GPR39: variants seen among roughly 807,000 people sequenced by gnomAD.
GPR39 encodes the protein zinc sensing receptor.
GPR39 carries 23 observed loss-of-function variants against 18.4 expected under a neutral mutation model. The ratio of observed to expected loss-of-function variants is 1.25; its 90% CI spans 0.90 to 1.77. GPR39 has a LOEUF of 1.77. Ranked by LOEUF, GPR39 falls within the 40% of genes most tolerant of loss-of-function variation. The probability of loss-of-function intolerance (pLI) is 0.00; values close to 1 mark genes in which losing one functional copy is unlikely to be tolerated. For synonymous variants in GPR39, 280 were observed against 257.9 expected (o/e 1.09, Z -0.82); for missense variants, 647 against 602.4 (o/e 1.07, Z -0.78).
intron 1 of GPR39, among the ~76,000 whole-genome samples, chr2:132,501,054 G>GTTT (rs55720929): frequency 0.02 from 1,830 of 90,098 alleles, 24 homozygotes; most frequent in African/African-American, 0.051. Flanking sequence ...TATCTTTTGT[G>GTTT]TTTTTTTTTT....
chr2:132,537,631 A>G (rs1679782262), intron 1 of GPR39, among the ~76,000 whole-genome samples: 1 of 151,750 alleles, frequency 6.6e-6, no homozygotes, highest in African/African-American at 2.4e-5. Flanking sequence ...AATATCCTGA[A>G]GTGTGTTTTC....
intron 1 of GPR39, among the ~76,000 whole-genome samples, chr2:132,629,630 GA>G (rs1448272822): frequency 6.6e-6 from 1 of 152,222 alleles, no homozygotes; most frequent in Non-Finnish European, 1.5e-5. Flanking sequence ...TACAGGCAAG[GA>G]AACTCATCTG....
chr2:132,606,751 G>A (rs1681145298), intron 1 of GPR39, among the ~76,000 whole-genome samples: 1 of 152,210 alleles, frequency 6.6e-6, no homozygotes, highest in African/African-American at 2.4e-5. Context: ...GTTTTATTGA[G>A]TGGTTGAAGG....
At chr2:132,467,892 C>T (rs1412972238) in intron 1 of GPR39, among the ~76,000 whole-genome samples, 2 of 152,110 alleles carry the variant, frequency 1.3e-5, no homozygotes, top group African/African-American at 4.8e-5. Context: ...TTTCAGAAGC[C>T]TCAGAGAATT....
intron 1 of GPR39, among the ~76,000 whole-genome samples, chr2:132,422,894 A>C (rs1235154111): frequency 6.6e-6 from 1 of 152,032 alleles, no homozygotes; most frequent in East Asian, 1.9e-4. Flanking sequence ...AAGCCTGTTC[A>C]TCTGTCAGCC....
chr2:132,615,437 CTT>C (rs1681317287), intron 1 of GPR39, among the ~76,000 whole-genome samples: 2 of 152,164 alleles, frequency 1.3e-5, no homozygotes, highest in African/African-American at 4.8e-5. Context: ...CATCTAAAAA[CTT>C]TATTTCACCC....
At chr2:132,579,296 A>G (rs1326316676) in intron 1 of GPR39, among the ~76,000 whole-genome samples, 1 of 151,946 alleles carries the variant, frequency 6.6e-6, no homozygotes, top group African/African-American at 2.4e-5. Context: ...TTTCTAGTTT[A>G]ATTTCATTGT....
chr2:132,555,225 C>T (rs1395982108), intron 1 of GPR39, among the ~76,000 whole-genome samples: 1 of 114,842 alleles, frequency 8.7e-6, no homozygotes, highest in African/African-American at 3.2e-5. Context: ...GCTGGGATTA[C>T]AGGTGTGAGC....
chr2:132,505,839 C>G (rs4577332), intron 1 of GPR39, among the ~76,000 whole-genome samples: 2 of 152,168 alleles, frequency 1.3e-5, no homozygotes, highest in Non-Finnish European at 2.9e-5. Flanking sequence ...TCTTGGCTAT[C>G]GCGAATTGCG....
intron 1 of GPR39, among the ~76,000 whole-genome samples, chr2:132,445,831 C>T (rs1172346186): frequency 1.3e-5 from 2 of 152,134 alleles, no homozygotes; most frequent in African/African-American, 4.8e-5. Flanking sequence ...GCACCAAGTA[C>T]CAGTCAAGGG....
Position 132,646,076 on chromosome 2 carries a change from A to AGGAACAGGAT in GPR39, c.*473_*482dup. On this transcript the variant is annotated 3_prime_UTR_variant, in exon 2 of 2. Transcript: ENST00000329321. ...GTGTGCCGAGAAGAGGGCTAATTTG[A>AGGAACAGGAT]GGAACAGGATGGTGGTGCGGAGCCC... 2 of 1,592,798 alleles carry AGGAACAGGAT rather than the reference A, an allele frequency of 1.3e-6. No homozygotes were observed. Among genetic ancestry groups the AGGAACAGGAT allele is most frequent in the Non-Finnish European group, 1.7e-6 (2 of 1,168,020 alleles).
intron 1 of GPR39, among the ~76,000 whole-genome samples, chr2:132,498,663 G>A (rs558783950): frequency 1.8e-4 from 27 of 152,278 alleles, no homozygotes; most frequent in South Asian, 8.3e-4. Flanking sequence ...GTTTTCCATA[G>A]TGGTTGTGCT....
At chr2:132,516,294 C>T (rs772153818) in intron 1 of GPR39, among the ~76,000 whole-genome samples, 3 of 152,100 alleles carry the variant, frequency 2.0e-5, no homozygotes, top group Non-Finnish European at 2.9e-5. Flanking sequence ...CATCAGACAA[C>T]GGGTCTCTAG....
chr2:132,426,499 C>T (rs1368483025), intron 1 of GPR39, among the ~76,000 whole-genome samples: 2 of 152,344 alleles, frequency 1.3e-5, no homozygotes, highest in South Asian at 2.1e-4. Context: ...CTGCTGCTTT[C>T]CAGAGTCCTC....
chr2:132,542,365 C>T (rs545830825), intron 1 of GPR39, among the ~76,000 whole-genome samples: 1 of 152,308 alleles, frequency 6.6e-6, no homozygotes, highest in African/African-American at 2.4e-5. Context: ...CTTCTGATCC[C>T]CACTCTACCA....
intron 1 of GPR39, among the ~76,000 whole-genome samples, chr2:132,512,719 A>G (rs1016979615): frequency 1.3e-5 from 2 of 152,230 alleles, no homozygotes; most frequent in African/African-American, 2.4e-5. Flanking sequence ...GCTCAGAGTA[A>G]TTACACAGAG....
In GPR39 at chr2:132,570,442, A is replaced by G. The variant is rs75089042; in HGVS notation, c.857-74659A>G. On this transcript the variant is annotated intron_variant, in intron 1 of 1. Coordinates refer to ENST00000329321, the MANE Select transcript of GPR39 (RefSeq NM_001508.3). ...CCTCTACTATATCTACTTCTAGTCC[A>G]TAATTCCATATCCCCCTCCTGCCTT... is the stretch of plus-strand genomic sequence containing the variant. Among the ~76,000 whole-genome samples the G allele has an allele frequency of 7.6e-3, 1,154 of 152,222 alleles. 14 individuals are homozygous for G. Among genetic ancestry groups the G allele is most frequent in the African/African-American group, 0.026 (1,090 of 41,518 alleles).
At chr2:132,624,976 T>G (rs1276949403) in intron 1 of GPR39, among the ~76,000 whole-genome samples, 2 of 152,160 alleles carry the variant, frequency 1.3e-5, no homozygotes, top group Non-Finnish European at 2.9e-5. Context: ...GTTCTGCACA[T>G]GAACAGCTCT....
intron 1 of GPR39, among the ~76,000 whole-genome samples, chr2:132,621,562 T>A (rs1033437023): frequency 1.3e-5 from 2 of 152,204 alleles, no homozygotes; most frequent in Non-Finnish European, 2.9e-5. Context: ...ATGTCGCTTA[T>A]CACCTACAGG....
Sources: allele counts gnomAD v4.1 joint callset (sites outside exome capture counted in the v4.1 genomes callset), GRCh38; gene constraint gnomAD v4.1.1; transcripts MANE v1.5; gene names NCBI Gene and HGNC (gene_info 2026-07-23, HGNC 2026-07-21).